The following EIF4E2 variants were observed in gnomAD, a reference collection of about 807,000 sequenced individuals.
EIF4E2 encodes the protein eukaryotic translation initiation factor 4E type 2.
EIF4E2 carries 13 observed loss-of-function variants against 34.2 expected under a neutral mutation model. The ratio of observed to expected loss-of-function variants is 0.38; its 90% CI spans 0.25 to 0.60. The LOEUF (loss-of-function observed/expected upper bound fraction) is 0.60. EIF4E2 is among the 20% of genes least tolerant of loss of function. EIF4E2 has a pLI of 0.62. For synonymous variants in EIF4E2, 100 were observed against 106.6 expected, an observed-to-expected ratio of 0.94 and a Z score of 0.38; for missense variants, 222 against 315.1, an observed-to-expected ratio of 0.70 and a Z score of 2.24.
intron 3 of EIF4E2, among the ~76,000 whole-genome samples, chr2:232,562,568 CA>C (rs1206368669): frequency 6.6e-6 from 1 of 152,030 alleles, no homozygotes; most frequent in African/African-American, 2.4e-5. Context: ...CCAGCCTGGA[CA>C]AAAAGAGCGA....
downstream of EIF4E2, chr2:232,573,849 C>G: frequency 2.8e-6 from 1 of 357,680 alleles, no homozygotes; most frequent in Non-Finnish European, 5.5e-6. Flanking sequence ...CTCAGTGAGG[C>G]CTGATGAAGA....
chr2:232,569,164 G>A lies in EIF4E2; in HGVS notation c.*147G>A. Reference sequence around the variant, plus strand: ...TGTTTTAAGAACAGGCTGACACGCAGCAGCTACAACAACAGCTGAGATCAC... The same window carrying A: ...TGTTTTAAGAACAGGCTGACACGCAACAGCTACAACAACAGCTGAGATCAC... On this transcript the variant is annotated 3_prime_UTR_variant, in exon 7 of 7. Coordinates refer to ENST00000258416, the MANE Select transcript of EIF4E2 (RefSeq NM_004846.4). The A allele has an allele frequency of 6.8e-7, 1 of 1,461,836 alleles. No homozygotes were observed. The highest frequency in any genetic ancestry group is 9.0e-7 in the Non-Finnish European group (1 of 1,108,274). 90.6% of individuals were successfully genotyped at this position (1,461,836 alleles called of 1,614,324 possible). A position where few individuals can be genotyped will look rare whatever the true frequency, so the allele number is the denominator to read the frequency against.
At chr2:232,564,596 G>A (rs764888578) in intron 4 of EIF4E2, among the ~76,000 whole-genome samples, 2 of 152,184 alleles carry the variant, frequency 1.3e-5, no homozygotes, top group Non-Finnish European at 2.9e-5. Flanking sequence ...GACTACAGGC[G>A]CCCACCACCG....
downstream of EIF4E2, among the ~76,000 whole-genome samples, chr2:232,569,581 T>C (rs1693042524): frequency 6.6e-6 from 1 of 152,240 alleles, no homozygotes; most frequent in Non-Finnish European, 1.5e-5. Flanking sequence ...TCGCCTTTAC[T>C]TCAAAGAAAT....
chr2:232,568,846 G>T, intron 6 of EIF4E2, 99 bp from the exon 7 acceptor site: 2 of 1,561,998 alleles, frequency 1.3e-6, no homozygotes, highest in South Asian at 1.2e-5. Context: ...TAGCTGTAGA[G>T]ACCAGAAGAC....
intron 3 of EIF4E2, chr2:232,558,952 G>T (rs143359250): frequency 3.3e-5 from 5 of 152,228 alleles, no homozygotes; most frequent in Admixed American, 1.3e-4. Flanking sequence ...CACCACTCTA[G>T]TTGAACAAAG....
At chr2:232,575,934 A>G (rs949835756) in intron 6 of EIF4E2, among the ~76,000 whole-genome samples, 3 of 152,050 alleles carry the variant, frequency 2.0e-5, no homozygotes, top group African/African-American at 4.8e-5. Flanking sequence ...TGCTGGGCGC[A>G]GTGGCTCACG....
chr2:232,554,697 A>C (rs1692463037), intron 1 of EIF4E2, among the ~76,000 whole-genome samples: 1 of 152,226 alleles, frequency 6.6e-6, no homozygotes, highest in African/African-American at 2.4e-5. Context: ...TAGCATTAGC[A>C]ACAAAATGAA....
chr2:232,556,089 T>C (rs1407150711), intron 1 of EIF4E2, among the ~76,000 whole-genome samples: 1 of 152,170 alleles, frequency 6.6e-6, no homozygotes, highest in African/African-American at 2.4e-5. Context: ...CATTAGAGAC[T>C]CTTCTCATTT....
At chr2:232,552,806 A>G (rs1041139900) in intron 1 of EIF4E2, among the ~76,000 whole-genome samples, 9 of 151,766 alleles carry the variant, frequency 5.9e-5, no homozygotes, top group African/African-American at 2.2e-4. Flanking sequence ...CAGGAAAAAA[A>G]AAGAAAAACA....
chr2:232,571,467 A>G (rs560401731), downstream of EIF4E2, among the ~76,000 whole-genome samples: 39 of 152,368 alleles, frequency 2.6e-4, no homozygotes, highest in Admixed American at 1.2e-3. Context: ...GCTCGGAGCC[A>G]TATGAAACAG....
intron 1 of EIF4E2, chr2:232,553,917 C>A (rs1225725315): frequency 6.6e-6 from 1 of 152,104 alleles, no homozygotes; most frequent in African/African-American, 2.4e-5. Context: ...CTAGCAAAAA[C>A]AAGATGCTGG....
rs1340776813 is a variant in EIF4E2 at position 232,567,164 on chromosome 2, C to T, written c.615C>T (p.Asn205=). 2 of 1,614,086 alleles carry T rather than the reference C, an allele frequency of 1.2e-6. No individual in the cohort carries two copies. Among genetic ancestry groups the T allele is most frequent in the Non-Finnish European group, 8.5e-7 (1 of 1,180,034 alleles). The change falls in exon 6 of 7, where the codon AAC becomes AAT. Residue 205 remains asparagine, a synonymous_variant. Coordinates refer to ENST00000258416, the MANE Select transcript of EIF4E2 (RefSeq NM_004846.4). ...RIRDTLRRVL[N]LPPNTIMEYK... ...GGGACACACTTCGGCGAGTGCTTAA[C>T]CTACCTCCCAACACCATTATGGAAT... is the stretch of plus-strand genomic sequence containing the variant.
intron 6 of EIF4E2, among the ~76,000 whole-genome samples, chr2:232,578,454 A>C (rs1487687707): frequency 6.6e-6 from 1 of 152,118 alleles, no homozygotes; most frequent in Non-Finnish European, 1.5e-5. Flanking sequence ...AACATGGTGA[A>C]ACCCTGTCTC....
chr2:232,574,127 C>T, downstream of EIF4E2: 3 of 903,686 alleles, frequency 3.3e-6, no homozygotes, highest in African/African-American at 1.6e-5. Flanking sequence ...CCTCGCTGCT[C>T]TGCTCCCAGG....
chr2:232,574,363 CT>C, intron 6 of EIF4E2: 1 of 1,549,610 alleles, frequency 6.5e-7, no homozygotes, highest in South Asian at 1.2e-5. Context: ...TCTATCTTCT[CT>C]GTAACCCTGT....
At chr2:232,567,367 AG>A (rs1692971264) in intron 6 of EIF4E2, 153 bp downstream of exon 6, 28 of 1,448,824 alleles carry the variant, frequency 1.9e-5, no homozygotes, top group Non-Finnish European at 2.5e-5. Context: ...TACTTGCTGC[AG>A]TTCTTTGTCA....
chr2:232,569,079 T>G lies in EIF4E2; in HGVS notation c.*62T>G. The G allele has an allele frequency of 6.3e-7, 1 of 1,593,360 alleles. No individual in the cohort carries two copies. Among genetic ancestry groups the G allele is most frequent in the Middle Eastern group, 1.7e-4 (1 of 6,034 alleles). ...GGCGTCATCGGAGTCTCTTGTTCTG[T>G]TGGCGTGCTACCTGGAAGATCCTTC... On this transcript the variant is annotated 3_prime_UTR_variant, in exon 7 of 7. Transcript: ENST00000258416.
intron 2 of EIF4E2, among the ~76,000 whole-genome samples, chr2:232,557,039 G>A (rs2106237184): frequency 1.3e-5 from 2 of 152,316 alleles, no homozygotes; most frequent in South Asian, 4.1e-4. Context: ...TAGGTCAAGA[G>A]ATCGAGACCA....
Sources: gnomAD v4.1 joint callset for allele counts (sites outside exome capture counted in the v4.1 genomes callset) on GRCh38, gnomAD v4.1.1 for gene constraint, MANE v1.5 for transcripts, NCBI Gene and HGNC (gene_info 2026-07-23, HGNC 2026-07-21) for gene names.